The following NAF1 variants were observed in gnomAD, a reference collection of about 807,000 sequenced individuals.
The protein encoded by NAF1 is nuclear assembly factor 1 ribonucleoprotein.
In NAF1, 11 loss-of-function variants were observed where a neutral mutation model predicts 40.6. The observed-to-expected ratio is 0.27, with a 90% CI of 0.17 to 0.45. The LOEUF (loss-of-function observed/expected upper bound fraction) is 0.45, where lower values mean the gene tolerates loss of function less well. NAF1 is among the 20% of genes least tolerant of loss of function. The pLI, the probability that NAF1 is intolerant of heterozygous loss-of-function variation, is 1.00. For missense variants in NAF1, 607 were observed against 611.1 expected (o/e 0.99, Z 0.07); for synonymous variants, 260 against 228.5 (o/e 1.14, Z -1.24).
chr4:163,131,441 T>A (rs565447794), intron 7 of NAF1, among the ~76,000 whole-genome samples: 1 of 152,040 alleles, frequency 6.6e-6, no homozygotes, highest in Non-Finnish European at 1.5e-5. Context: ...AGCAAGACAT[T>A]TGTTGATGTA....
At chr4:163,158,763 G>C (rs1397338608) in intron 2 of NAF1, among the ~76,000 whole-genome samples, 1 of 152,026 alleles carries the variant, frequency 6.6e-6, no homozygotes, top group African/African-American at 2.4e-5. Flanking sequence ...TTAATTGAGT[G>C]CATATTTCAT....
chr4:163,141,795 AC>A (rs1731272472), intron 4 of NAF1: 2 of 241,712 alleles, frequency 8.3e-6, no homozygotes, highest in South Asian at 3.0e-4. Flanking sequence ...ACCAATTTAT[AC>A]CAACTGCATT....
At chr4:163,127,093 A>G (rs1166547656), downstream of NAF1, 15 of 1,551,510 alleles carry the variant, frequency 9.7e-6, no homozygotes, top group Admixed American at 3.9e-5. Context: ...CGAGGCCACA[A>G]TATCTGTGAG....
chr4:163,120,481 T>C (rs935730966), intron 2 of NAF1, among the ~76,000 whole-genome samples: 1 of 152,220 alleles, frequency 6.6e-6, no homozygotes, highest in African/African-American at 2.4e-5. Flanking sequence ...ATAAACAAGG[T>C]CAGTTTGTTC....
intron 7 of NAF1, among the ~76,000 whole-genome samples, chr4:163,130,959 ACC>A (rs753234234): frequency 1.1e-4 from 17 of 152,116 alleles, no homozygotes; most frequent in Admixed American, 3.3e-4. Context: ...GCTCACTGCA[ACC>A]TCCGCTGCCC....
intron 1 of NAF1, among the ~76,000 whole-genome samples, chr4:163,164,613 A>G (rs1732376065): frequency 6.6e-6 from 1 of 152,202 alleles, no homozygotes; most frequent in Non-Finnish European, 1.5e-5. Flanking sequence ...GTATTGGGAA[A>G]GTAGTATTTA....
At chr4:163,114,759 T>G (rs1730274195) in intron 2 of NAF1, among the ~76,000 whole-genome samples, 1 of 152,196 alleles carries the variant, frequency 6.6e-6, no homozygotes, top group Non-Finnish European at 1.5e-5. Flanking sequence ...GTCTCTTATT[T>G]TTCTACTTTC....
chr4:163,111,739 C>T lies in NAF1; in HGVS notation c.115-1449G>A, dbSNP rs1349983703. Among the ~76,000 whole-genome samples the T allele has an allele frequency of 5.9e-5, 9 of 152,164 alleles. No individual in the cohort carries two copies. The Middle Eastern group carries it at 0.01, about 173-fold the overall frequency. ...AAGGGGACTGAGAAAGTAGAGCCAC[C>T]GCTAGTGTTTTGTTCTAGGTAAATG... On this transcript the variant is annotated intron_variant, in intron 2 of 2. Coordinates refer to the NAF1 transcript ENST00000509434.
chr4:163,135,406 T>G (rs989286471), intron 6 of NAF1: 8 of 152,222 alleles, frequency 5.3e-5, no homozygotes, highest in Non-Finnish European at 8.8e-5. Context: ...ATTTTGCAAT[T>G]AACCTAGTCA....
At chr4:163,121,748 T>C (rs1026737843), downstream of NAF1, among the ~76,000 whole-genome samples, 1 of 152,232 alleles carries the variant, frequency 6.6e-6, no homozygotes, top group Admixed American at 6.5e-5. Context: ...AGTACATGAC[T>C]GCTTATTTCA....
intron 2 of NAF1, among the ~76,000 whole-genome samples, chr4:163,113,707 G>A (rs181309866): frequency 1.3e-5 from 2 of 152,270 alleles, no homozygotes; most frequent in East Asian, 1.9e-4. Context: ...TCCTTCTTCC[G>A]TATCCTCCAG....
intron 1 of NAF1, among the ~76,000 whole-genome samples, chr4:163,165,821 C>A (rs1732434006): frequency 1.3e-5 from 2 of 152,170 alleles, no homozygotes; most frequent in Admixed American, 1.3e-4. Flanking sequence ...GCATAAGATA[C>A]TACTAAATAA....
intron 4 of NAF1, among the ~76,000 whole-genome samples, chr4:163,141,268 G>A (rs1386383292): frequency 6.6e-6 from 1 of 152,126 alleles, no homozygotes; most frequent in African/African-American, 2.4e-5. Flanking sequence ...AGGGGCTGAG[G>A]CAAGAGAATC....
chr4:163,133,410 A>T, intron 6 of NAF1, 154 bp from the exon 7 acceptor site: 1 of 561,466 alleles, frequency 1.8e-6, no homozygotes, highest in East Asian at 2.8e-5. Context: ...TCTGAATTAG[A>T]CATGGTATAA....
chr4:163,110,896 T>C (rs985341874), intron 2 of NAF1, among the ~76,000 whole-genome samples: 3 of 152,250 alleles, frequency 2.0e-5, no homozygotes, highest in African/African-American at 7.2e-5. Context: ...AAGGCCTACA[T>C]CAAAACTGAG....
At chr4:163,152,859 C>T (rs531279806) in intron 2 of NAF1, among the ~76,000 whole-genome samples, 1 of 152,214 alleles carries the variant, frequency 6.6e-6, no homozygotes, top group South Asian at 2.1e-4. Flanking sequence ...GAGGCGCGAG[C>T]GGGAACCGGG....
At chr4:163,139,824 A>T (rs973701817) in intron 5 of NAF1, among the ~76,000 whole-genome samples, 1 of 152,138 alleles carries the variant, frequency 6.6e-6, no homozygotes, top group Admixed American at 6.5e-5. Context: ...ACTATTTTAA[A>T]GTTTTATTGA....
At chr4:163,122,221 ATAAATAGCTTAAAAT>A (rs1260960675), downstream of NAF1, among the ~76,000 whole-genome samples, 1 of 152,222 alleles carries the variant, frequency 6.6e-6, no homozygotes, top group Non-Finnish European at 1.5e-5. Flanking sequence ...TTTATATTTA[ATAAATAGCTTAAAAT>A]TATAGCAAAC....
At chr4:163,111,636 T>TA (rs1177630113) in intron 2 of NAF1, among the ~76,000 whole-genome samples, 2 of 152,088 alleles carry the variant, frequency 1.3e-5, no homozygotes, top group Non-Finnish European at 2.9e-5. Context: ...AATGTGTACA[T>TA]AAAAAACATA....
Sources: allele counts gnomAD v4.1 joint callset (sites outside exome capture counted in the v4.1 genomes callset), GRCh38; gene constraint gnomAD v4.1.1; transcripts MANE v1.5; gene names NCBI Gene and HGNC (gene_info 2026-07-23, HGNC 2026-07-21).